The following UVRAG variants were observed in gnomAD, a reference collection of about 807,000 sequenced individuals.
The protein encoded by UVRAG is UV radiation resistance-associated gene protein.
In UVRAG, 19 loss-of-function variants were observed where a neutral mutation model predicts 78.0. That is an observed-to-expected ratio of 0.24 (90% CI 0.17 to 0.36). The LOEUF (loss-of-function observed/expected upper bound fraction) is 0.36. Among genes scored for constraint, UVRAG ranks in the 10% least tolerant of loss-of-function variants. UVRAG has a pLI of 1.00. For synonymous variants in UVRAG, 323 were observed against 324.6 expected (o/e 1.00, Z 0.05); for missense variants, 740 against 853.8 (o/e 0.87, Z 1.66).
intron 13 of UVRAG, among the ~76,000 whole-genome samples, chr11:76,085,232 C>T (rs1951567733): frequency 6.6e-6 from 1 of 152,132 alleles, no homozygotes; most frequent in African/African-American, 2.4e-5. Flanking sequence ...CCATAAATTA[C>T]TGTGTTCAGG....
intron 3 of UVRAG, among the ~76,000 whole-genome samples, chr11:75,879,408 C>T (rs1946888816): frequency 6.6e-6 from 1 of 152,202 alleles, no homozygotes; most frequent in South Asian, 2.1e-4. Context: ...GTTTCACAGC[C>T]TTTGTGATGT....
intron 14 of UVRAG, among the ~76,000 whole-genome samples, chr11:76,138,490 T>A (rs950326065): frequency 2.0e-5 from 3 of 151,014 alleles, no homozygotes; most frequent in Non-Finnish European, 4.4e-5. Context: ...TGTACAAAGT[T>A]GAGAACTTTT....
At chr11:75,865,929 T>C (rs925543216) in intron 3 of UVRAG, among the ~76,000 whole-genome samples, 3 of 152,072 alleles carry the variant, frequency 2.0e-5, no homozygotes, top group Admixed American at 6.6e-5. Context: ...CTTATAATCA[T>C]TAACAGGAAG....
At chr11:76,035,170 T>C (rs1185222776) in intron 12 of UVRAG, among the ~76,000 whole-genome samples, 8 of 152,310 alleles carry the variant, frequency 5.3e-5, no homozygotes, top group African/African-American at 1.9e-4. Flanking sequence ...CTTTAAAAAC[T>C]TAGTTACTAG....
At chr11:75,875,050 A>G (rs1946735870) in intron 3 of UVRAG, among the ~76,000 whole-genome samples, 1 of 152,188 alleles carries the variant, frequency 6.6e-6, no homozygotes, top group South Asian at 2.1e-4. Flanking sequence ...TCGTGACTTT[A>G]TGCTTAGATA....
intron 13 of UVRAG, among the ~76,000 whole-genome samples, chr11:76,077,625 G>T (rs1195652770): frequency 1.3e-5 from 2 of 152,092 alleles, no homozygotes; most frequent in African/African-American, 4.8e-5. Context: ...TAAAGTGTTG[G>T]TATTATTATC....
chr11:76,061,130 C>T (rs941185061), intron 12 of UVRAG, among the ~76,000 whole-genome samples: 1 of 152,208 alleles, frequency 6.6e-6, no homozygotes, highest in African/African-American at 2.4e-5. Context: ...ACACACCAAT[C>T]AGCACCCTGT....
At chr11:76,078,618 G>A (rs1283953432) in intron 13 of UVRAG, among the ~76,000 whole-genome samples, 3 of 151,654 alleles carry the variant, frequency 2.0e-5, no homozygotes, top group African/African-American at 4.8e-5. Context: ...AAATTTCAAG[G>A]TTAGACCGGG....
intron 1 of UVRAG, among the ~76,000 whole-genome samples, chr11:75,817,635 C>T (rs1001146407): frequency 1.3e-5 from 2 of 151,972 alleles, no homozygotes; most frequent in African/African-American, 4.8e-5. Flanking sequence ...TAAATAATAT[C>T]AATAAAATTT....
At chr11:75,827,732 G>A (rs73489925) in intron 1 of UVRAG, among the ~76,000 whole-genome samples, 2 of 152,120 alleles carry the variant, frequency 1.3e-5, no homozygotes, top group African/African-American at 4.8e-5. Flanking sequence ...CACAGGATTC[G>A]GAACTGTATG....
chr11:75,867,225 G>A (rs1390058440), intron 3 of UVRAG, among the ~76,000 whole-genome samples: 1 of 152,096 alleles, frequency 6.6e-6, no homozygotes, highest in African/African-American at 2.4e-5. Context: ...ACAGCATGAT[G>A]AATTATCTCA....
At chr11:75,897,521 T>A (rs1404029776) in intron 5 of UVRAG, among the ~76,000 whole-genome samples, 2 of 152,114 alleles carry the variant, frequency 1.3e-5, no homozygotes, top group African/African-American at 2.4e-5. Context: ...TATAATTTAT[T>A]TTATTTATTA....
chr11:75,857,187 C>T (rs1946309774), intron 2 of UVRAG, among the ~76,000 whole-genome samples: 1 of 152,216 alleles, frequency 6.6e-6, no homozygotes. Context: ...ATGAAAGTCA[C>T]ATCCCTTTAT....
intron 7 of UVRAG, among the ~76,000 whole-genome samples, chr11:75,978,300 A>AT (rs1344096630): frequency 4.0e-5 from 6 of 151,640 alleles, no homozygotes; most frequent in African/African-American, 1.5e-4. Flanking sequence ...TGCCCTTAAC[A>AT]TTTTTTCCTT....
chr11:75,990,130 T>C (rs1252622728), intron 8 of UVRAG, among the ~76,000 whole-genome samples: 1 of 152,190 alleles, frequency 6.6e-6, no homozygotes, highest in Non-Finnish European at 1.5e-5. Flanking sequence ...CTATATGAAG[T>C]ATAGTTTACA....
rs75901956 is a variant in UVRAG, at chr11:76,128,332, G to A, written c.1397+12317G>A. Among the ~76,000 whole-genome samples, 17 of 152,246 alleles carry A rather than the reference G, an allele frequency of 1.1e-4. No homozygotes were observed. In the East Asian group the frequency reaches 3.1e-3, roughly 28 times the overall value. On this transcript the variant is annotated intron_variant, in intron 14 of 14. Coordinates refer to ENST00000356136, the MANE Select transcript of UVRAG (RefSeq NM_003369.4). ...ATGCCTGATGATCTGAGATGGAATC[G>A]TTTCATCCTGAAACCAGCCCCCCTG...
chr11:76,128,292 C>T (rs143928279), intron 14 of UVRAG, among the ~76,000 whole-genome samples: 242 of 152,238 alleles, frequency 1.6e-3, no homozygotes, highest in Middle Eastern at 6.8e-3. Flanking sequence ...GTTGTGTGCT[C>T]CTTGTGAGAA....
chr11:75,895,470 G>A (rs1165222187), intron 5 of UVRAG, among the ~76,000 whole-genome samples: 1 of 152,132 alleles, frequency 6.6e-6, no homozygotes, highest in Admixed American at 6.5e-5. Context: ...CCAGGAGTGT[G>A]TTGGACACTA....
rs535286494 is a variant in UVRAG at position 75,868,973 on chromosome 11, C to T, written c.270+7193C>T. Among the ~76,000 whole-genome samples, 4 of 152,266 alleles carry T rather than the reference C, an allele frequency of 2.6e-5. No homozygotes were observed. The South Asian group carries it at 6.2e-4, about 24-fold the overall frequency. ...GAAGAAGAGGTATCAATTATAAGTA[C>T]CCACCTATGATTGAAGTAGCATGTT... On this transcript the variant is annotated intron_variant, in intron 3 of 14. Coordinates refer to ENST00000356136, the MANE Select transcript of UVRAG (RefSeq NM_003369.4).
Sources: allele counts gnomAD v4.1 joint callset (sites outside exome capture counted in the v4.1 genomes callset), GRCh38; gene constraint gnomAD v4.1.1; transcripts MANE v1.5; gene names NCBI Gene and HGNC (gene_info 2026-07-23, HGNC 2026-07-21).